ATRNL1: variants seen among roughly 807,000 people sequenced by gnomAD.
ATRNL1 encodes the protein attractin-like protein 1.
In ATRNL1, 95 loss-of-function variants were observed where a neutral mutation model predicts 182.7. The ratio of observed to expected loss-of-function variants is 0.52; its 90% CI spans 0.44 to 0.62. The LOEUF (loss-of-function observed/expected upper bound fraction) is 0.62. Among genes scored for constraint, ATRNL1 ranks in the 20% least tolerant of loss-of-function variants. The pLI, the probability that ATRNL1 is intolerant of heterozygous loss-of-function variation, is 0.00. For synonymous variants in ATRNL1, 576 were observed against 568.3 expected (o/e 1.01, Z -0.19); for missense variants, 1,471 against 1,679.5 (o/e 0.88, Z 2.17).
intron 25 of ATRNL1, among the ~76,000 whole-genome samples, chr10:115,534,933 G>A (rs1218576861): frequency 6.6e-6 from 1 of 152,186 alleles, no homozygotes; most frequent in East Asian, 1.9e-4. Context: ...TGTCCTATTG[G>A]CCCCCACTCT....
intron 26 of ATRNL1, among the ~76,000 whole-genome samples, chr10:115,585,506 G>C (rs1289858081): frequency 3.3e-5 from 4 of 120,796 alleles, no homozygotes; most frequent in African/African-American, 1.3e-4. Flanking sequence ...TTATGTAATG[G>C]CCTTCTTTGT....
intron 27 of ATRNL1, among the ~76,000 whole-genome samples, chr10:115,812,054 G>C (rs1171838956): frequency 1.3e-5 from 2 of 151,908 alleles, no homozygotes; most frequent in Non-Finnish European, 2.9e-5. Context: ...TTAGTATACA[G>C]TTCAGTGGTA....
chr10:115,523,359 T>C (rs1851051930), intron 25 of ATRNL1, among the ~76,000 whole-genome samples: 1 of 152,198 alleles, frequency 6.6e-6, no homozygotes, highest in Non-Finnish European at 1.5e-5. Flanking sequence ...CCCCATTGTC[T>C]TTACTAATAG....
At chr10:115,202,250 C>A (rs1470126029) in intron 8 of ATRNL1, among the ~76,000 whole-genome samples, 1 of 151,446 alleles carries the variant, frequency 6.6e-6, no homozygotes, top group Admixed American at 6.6e-5. Context: ...TTGCCCTGGC[C>A]AGAACTTCCA....
intron 24 of ATRNL1, among the ~76,000 whole-genome samples, chr10:115,474,383 T>C (rs1358045722): frequency 6.6e-6 from 1 of 151,448 alleles, no homozygotes; most frequent in Non-Finnish European, 1.5e-5. Flanking sequence ...CAATTTTCTT[T>C]TTGAGTTTTT....
At chr10:115,404,351 C>T (rs1844720558) in intron 20 of ATRNL1, among the ~76,000 whole-genome samples, 1 of 152,186 alleles carries the variant, frequency 6.6e-6, no homozygotes, top group African/African-American at 2.4e-5. Flanking sequence ...GTCCGGTAGA[C>T]AGAAGTAACA....
chr10:115,641,122 C>G (rs1394978025), intron 26 of ATRNL1, among the ~76,000 whole-genome samples: 4 of 152,042 alleles, frequency 2.6e-5, no homozygotes, highest in African/African-American at 9.7e-5. Flanking sequence ...TGAGCCAATG[C>G]AAGCAGATAA....
At chr10:115,381,316 G>T (rs1349177264) in intron 19 of ATRNL1, among the ~76,000 whole-genome samples, 1 of 151,726 alleles carries the variant, frequency 6.6e-6, no homozygotes, top group Non-Finnish European at 1.5e-5. Context: ...GCCCAGGCTG[G>T]AGTGCAGTGG....
At chr10:115,612,835 G>T (rs1443844616) in intron 26 of ATRNL1, among the ~76,000 whole-genome samples, 1 of 151,646 alleles carries the variant, frequency 6.6e-6, no homozygotes, top group Admixed American at 6.6e-5. Flanking sequence ...GACTCCATTT[G>T]TGGAATCCAA....
intron 1 of ATRNL1, 53 bp downstream of exon 1, chr10:115,094,096 G>A: frequency 3.0e-6 from 4 of 1,318,006 alleles, no homozygotes; most frequent in Non-Finnish European, 3.9e-6. Flanking sequence ...CTCCCGTCGC[G>A]GCCTTCCCCG....
Position 115,652,958 on chromosome 10 carries a change from T to C in ATRNL1, c.3796-74290T>C, listed in dbSNP as rs1860105861. On this transcript the variant is annotated intron_variant, in intron 26 of 28. Coordinates refer to ENST00000355044, the MANE Select transcript of ATRNL1 (RefSeq NM_207303.4). ...TATGTATTGTAAGTTATGTAGTTTCTAGTTAAAAACTAGAACTGAAGCTTT... is the reference window on the plus strand; with the variant it reads ...TATGTATTGTAAGTTATGTAGTTTCCAGTTAAAAACTAGAACTGAAGCTTT... Among the ~76,000 whole-genome samples the C allele has an allele frequency of 2.6e-5, 4 of 152,296 alleles. No individual in the cohort carries two copies. The Middle Eastern group carries it at 0.01, about 389-fold the overall frequency.
intron 24 of ATRNL1, among the ~76,000 whole-genome samples, chr10:115,516,635 G>C (rs746363658): frequency 6.6e-6 from 1 of 151,626 alleles, no homozygotes; most frequent in African/African-American, 2.4e-5. Context: ...CATGGCCAAC[G>C]ACCTATGTGA....
chr10:115,335,944 T>C (rs144200801), intron 19 of ATRNL1, among the ~76,000 whole-genome samples: 1 of 152,172 alleles, frequency 6.6e-6, no homozygotes, highest in East Asian at 1.9e-4. Context: ...TAAAGATAGG[T>C]GAATGGAAGT....
intron 28 of ATRNL1, among the ~76,000 whole-genome samples, chr10:115,868,333 G>T (rs1356227725): frequency 6.6e-6 from 1 of 151,982 alleles, no homozygotes; most frequent in African/African-American, 2.4e-5. Flanking sequence ...ACTCACTTCT[G>T]TATTAAAACT....
At chr10:115,336,243 C>T (rs1855476302) in intron 19 of ATRNL1, among the ~76,000 whole-genome samples, 1 of 152,146 alleles carries the variant, frequency 6.6e-6, no homozygotes, top group Non-Finnish European at 1.5e-5. Context: ...GAGTTATGTT[C>T]ATATGGACCA....
In ATRNL1 at chr10:115,331,879, C is replaced by G. The variant is rs1267691796; in HGVS notation, c.3038-2403C>G. The stretch of plus-strand genomic sequence containing the variant: ...TGGGTGCCCAGGCCATGTAAGAGAT[C>G]AGGGTCAGACCCTCACATATGAAGG... On this transcript the variant is annotated intron_variant, in intron 18 of 28. Transcript: ENST00000355044. Among the ~76,000 whole-genome samples the G allele has an allele frequency of 3.9e-5, 6 of 152,144 alleles. No individual in the cohort carries two copies. The East Asian group carries it at 1.2e-3, about 29-fold the overall frequency.
chr10:115,574,406 C>G (rs2133869804), intron 26 of ATRNL1, among the ~76,000 whole-genome samples: 1 of 151,646 alleles, frequency 6.6e-6, no homozygotes, highest in South Asian at 2.1e-4. Context: ...AGAAAAAAGC[C>G]TATAGTTGCC....
At chr10:115,464,079 T>G (rs57018056) in intron 22 of ATRNL1, among the ~76,000 whole-genome samples, 1 of 152,056 alleles carries the variant, frequency 6.6e-6, no homozygotes, top group Non-Finnish European at 1.5e-5. Context: ...GTCCCAGCTT[T>G]GTTTTACTTT....
chr10:115,648,419 A>G (rs1555033339), intron 26 of ATRNL1, among the ~76,000 whole-genome samples: 1 of 152,184 alleles, frequency 6.6e-6, no homozygotes, highest in Non-Finnish European at 1.5e-5. Flanking sequence ...CCATCAAGCT[A>G]CCAATGACTG....
Sources: allele counts gnomAD v4.1 joint callset (sites outside exome capture counted in the v4.1 genomes callset), GRCh38; gene constraint gnomAD v4.1.1; transcripts MANE v1.5; gene names NCBI Gene and HGNC (gene_info 2026-07-23, HGNC 2026-07-21).